The following CSMD1 variants were observed in gnomAD, a reference collection of about 807,000 sequenced individuals.
The protein encoded by CSMD1 is CUB and sushi domain-containing protein 1.
CSMD1 carries 213 observed loss-of-function variants against 417.5 expected under a neutral mutation model. That is an observed-to-expected ratio of 0.51 (90% CI 0.46 to 0.57). The LOEUF (loss-of-function observed/expected upper bound fraction) is 0.57. Ranked by LOEUF, CSMD1 falls within the 20% of genes least tolerant of loss-of-function variation. The pLI is 0.00. For missense variants in CSMD1, 6,923 were observed against 4,529.7 expected (o/e 1.53, Z -15.17); for synonymous variants, 2,862 against 1,736.8 (o/e 1.65, Z -16.11).
intron 51 of CSMD1, among the ~76,000 whole-genome samples, chr8:3,027,910 G>C (rs912191979): frequency 2.0e-5 from 3 of 152,222 alleles, no homozygotes; most frequent in Admixed American, 1.3e-4. Context: ...TGAGGTTTTT[G>C]TTAACATTCC....
chr8:4,259,673 G>C (rs771950180), intron 3 of CSMD1, among the ~76,000 whole-genome samples: 1 of 151,828 alleles, frequency 6.6e-6, no homozygotes. Context: ...TGGCAGTACT[G>C]GGTCCTGAAA....
intron 25 of CSMD1, among the ~76,000 whole-genome samples, chr8:3,300,719 G>A (rs114998520): frequency 0.026 from 3,942 of 152,166 alleles, 164 homozygotes; most frequent in African/African-American, 0.086. Flanking sequence ...TGCTTTGGGA[G>A]GACGAGGCGG....
At position 3,279,150 on chromosome 8, in the gene CSMD1, T is replaced by G. The variant is rs149458784; in HGVS notation, c.4153+4994A>C. On this transcript the variant is annotated intron_variant, in intron 26 of 69. Coordinates refer to ENST00000635120, the MANE Select transcript of CSMD1 (RefSeq NM_033225.6). ...GGTGGTCAGACCAGCGTCTTCGTGT[T>G]CCAGCCTGAGATCCTTAGAGAGAAA... 3 of 152,294 alleles carry G rather than the reference T, an allele frequency of 2.0e-5. No individual in the cohort carries two copies. The East Asian group carries it at 5.8e-4, about 30-fold the overall frequency. 9.4% of individuals were successfully genotyped at this position (152,294 alleles called of 1,614,324 possible). A position where few individuals can be genotyped will look rare whatever the true frequency, so the allele number is the denominator to read the frequency against.
intron 12 of CSMD1, among the ~76,000 whole-genome samples, chr8:3,453,427 C>G (rs1056931036): frequency 6.6e-6 from 1 of 152,010 alleles, no homozygotes; most frequent in East Asian, 1.9e-4. Context: ...TAGATCTTGC[C>G]TGCTTTCTCT....
chr8:4,959,362 G>C (rs757144145), intron 1 of CSMD1, among the ~76,000 whole-genome samples: 1 of 152,200 alleles, frequency 6.6e-6, no homozygotes, highest in Non-Finnish European at 1.5e-5. Flanking sequence ...CATGTCAGGT[G>C]GCAATCCCCA....
chr8:4,751,377 C>A (rs1158398278), intron 1 of CSMD1, among the ~76,000 whole-genome samples: 2 of 149,598 alleles, frequency 1.3e-5, no homozygotes, highest in Admixed American at 6.6e-5. Context: ...GACGACAGAG[C>A]AAGACTCTGT....
chr8:4,742,754 G>C (rs1810706006), intron 1 of CSMD1, among the ~76,000 whole-genome samples: 1 of 152,132 alleles, frequency 6.6e-6, no homozygotes, highest in South Asian at 2.1e-4. Context: ...ACAAATGTAT[G>C]GTCTATTAAA....
chr8:4,951,714 A>T (rs907561208), intron 1 of CSMD1, among the ~76,000 whole-genome samples: 2 of 151,728 alleles, frequency 1.3e-5, no homozygotes, highest in African/African-American at 4.8e-5. Flanking sequence ...TACCAGAAGA[A>T]TCTCCCTATA....
chr8:3,494,552 G>C (rs1372036474), intron 10 of CSMD1, among the ~76,000 whole-genome samples: 3 of 129,046 alleles, frequency 2.3e-5, no homozygotes, highest in Non-Finnish European at 4.8e-5. Context: ...AGACAGATTA[G>C]ATGATAGATA....
chr8:4,348,020 A>C (rs932849037), intron 3 of CSMD1, among the ~76,000 whole-genome samples: 4 of 152,172 alleles, frequency 2.6e-5, no homozygotes, highest in Admixed American at 1.3e-4. Flanking sequence ...TATATGCATA[A>C]AGAGGAAAAA....
At chr8:4,335,467 T>C (rs1563067638) in intron 3 of CSMD1, among the ~76,000 whole-genome samples, 1 of 152,088 alleles carries the variant, frequency 6.6e-6, no homozygotes, top group Non-Finnish European at 1.5e-5. Context: ...TCAGGGAATT[T>C]ATATGGACTC....
At chr8:3,772,810 G>C (rs1422983421) in intron 5 of CSMD1, among the ~76,000 whole-genome samples, 4 of 151,874 alleles carry the variant, frequency 2.6e-5, no homozygotes, top group African/African-American at 7.3e-5. Flanking sequence ...CTGGAAGTCT[G>C]TGTTTAAGCC....
chr8:2,958,382 C>G (rs765806367), intron 62 of CSMD1, among the ~76,000 whole-genome samples: 4 of 152,238 alleles, frequency 2.6e-5, no homozygotes, highest in Non-Finnish European at 4.4e-5. Context: ...AGATTCTTCT[C>G]TGATCCTCCA....
chr8:3,579,137 C>A (rs916056800), intron 9 of CSMD1, among the ~76,000 whole-genome samples: 1 of 152,192 alleles, frequency 6.6e-6, no homozygotes, highest in Non-Finnish European at 1.5e-5. Context: ...ATTTCACTTA[C>A]ATCTTTTCTG....
At chr8:4,694,092 T>A (rs992788330) in intron 1 of CSMD1, among the ~76,000 whole-genome samples, 1 of 152,034 alleles carries the variant, frequency 6.6e-6, no homozygotes, top group Non-Finnish European at 1.5e-5. Flanking sequence ...AAAGACAGCT[T>A]CTAAGATAAA....
At chr8:3,572,954 T>C (rs1039751648) in intron 10 of CSMD1, among the ~76,000 whole-genome samples, 3 of 152,196 alleles carry the variant, frequency 2.0e-5, no homozygotes, top group African/African-American at 7.2e-5. Context: ...TAAAAGTGTG[T>C]AAATGCAGAA....
In CSMD1 at chr8:3,727,572, T is replaced by C. The variant is rs938851546; in HGVS notation, c.932-19081A>G. ...ACAGTATGGAAGTTCCTCGAAAAAA[T>C]ACTAATAAAAATGAGCATATGATAC... On this transcript the variant is annotated intron_variant, in intron 6 of 69. Coordinates refer to ENST00000635120, the MANE Select transcript of CSMD1 (RefSeq NM_033225.6). Among the ~76,000 whole-genome samples, 4 of 152,196 alleles carry C rather than the reference T, an allele frequency of 2.6e-5. No individual in the cohort carries two copies. In the South Asian group the frequency reaches 6.2e-4, roughly 24 times the overall value.
At chr8:4,574,355 C>T (rs1015915101) in intron 2 of CSMD1, among the ~76,000 whole-genome samples, 1 of 152,186 alleles carries the variant, frequency 6.6e-6, no homozygotes, top group Non-Finnish European at 1.5e-5. Context: ...TAGTCCTTCA[C>T]GGCTTCCCTT....
At chr8:3,604,447 G>C (rs1310898495) in intron 8 of CSMD1, among the ~76,000 whole-genome samples, 1 of 152,154 alleles carries the variant, frequency 6.6e-6, no homozygotes, top group African/African-American at 2.4e-5. Context: ...GAGGACAGAA[G>C]ATGTCAACAT....
Sources: allele counts gnomAD v4.1 joint callset (sites outside exome capture counted in the v4.1 genomes callset), GRCh38; gene constraint gnomAD v4.1.1; transcripts MANE v1.5; gene names NCBI Gene and HGNC (gene_info 2026-07-23, HGNC 2026-07-21).